KIF26B: variants seen among roughly 807,000 people sequenced by gnomAD.
KIF26B encodes the protein kinesin family member 26B.
In KIF26B, 63 loss-of-function variants were observed where a neutral mutation model predicts 151.2. The ratio of observed to expected loss-of-function variants is 0.42; its 90% CI spans 0.34 to 0.51. The LOEUF is 0.51. KIF26B is among the 20% of genes least tolerant of loss of function. The pLI, the probability that KIF26B is intolerant of heterozygous loss-of-function variation, is 0.07. For synonymous variants in KIF26B, 1,357 were observed against 1,262.1 expected (o/e 1.08, Z -1.59); for missense variants, 2,813 against 2,913.6 (o/e 0.97, Z 0.79).
At chr1:245,625,408 G>A (rs1181172702) in intron 9 of KIF26B, among the ~76,000 whole-genome samples, 3 of 152,150 alleles carry the variant, frequency 2.0e-5, no homozygotes, top group African/African-American at 7.2e-5. Context: ...TCTGACCCAG[G>A]AGCACAGTAT....
chr1:245,175,208 G>T (rs1451848030), intron 2 of KIF26B, among the ~76,000 whole-genome samples: 1 of 152,290 alleles, frequency 6.6e-6, no homozygotes, highest in Admixed American at 6.5e-5. Context: ...TAGTGACCCA[G>T]AGGTGAAAGG....
rs143750032 is a variant in KIF26B, at chr1:245,576,411, T to C, written c.1351-26166T>C. On this transcript the variant is annotated intron_variant, in intron 5 of 14. Transcript: ENST00000407071. ...GCTATCAGTTGTGTTTGTGGAGGTG[T>C]AGTGAATTTTTCAGGGATGAATACC... is the stretch of plus-strand genomic sequence containing the variant. 2.0e-5 allele frequency among the ~76,000 whole-genome samples: 3 copies of C among 152,200 alleles called. No homozygotes were observed. In the East Asian group the frequency reaches 5.8e-4, roughly 29 times the overall value.
At chr1:245,618,976 T>A (rs183947125) in intron 9 of KIF26B, among the ~76,000 whole-genome samples, 2,199 of 134,488 alleles carry the variant, frequency 0.016, 71 homozygotes, top group Admixed American at 0.048. Context: ...CTGTGTCCAC[T>A]GCATCAGTGT....
At chr1:245,204,666 G>A (rs1177810126) in intron 2 of KIF26B, among the ~76,000 whole-genome samples, 2 of 152,098 alleles carry the variant, frequency 1.3e-5, no homozygotes, top group Non-Finnish European at 2.9e-5. Context: ...GAGCCACCAC[G>A]CCTGGCTGTT....
chr1:245,352,078 C>T lies in KIF26B; in HGVS notation c.466-14756C>T, dbSNP rs1464736810. Among the ~76,000 whole-genome samples, 1 of 152,104 alleles carries T rather than the reference C, an allele frequency of 6.6e-6. No homozygotes were observed. Among genetic ancestry groups the T allele is most frequent in the Non-Finnish European group, 1.5e-5 (1 of 68,026 alleles). On this transcript the variant is annotated intron_variant, in intron 2 of 14. Transcript: ENST00000407071. The surrounding 1 kb of genome is among the most constrained non-coding windows in gnomAD (Gnocchi z 5.0). The stretch of plus-strand genomic sequence containing the variant: ...GGCTGTGTGTGTGAGAGAGATCGTC[C>T]CTCAATCTTTCATTTCTTCTGATTG...
chr1:245,681,514 T>C (rs1360052351), intron 10 of KIF26B, among the ~76,000 whole-genome samples: 1 of 152,050 alleles, frequency 6.6e-6, no homozygotes, highest in Non-Finnish European at 1.5e-5. Flanking sequence ...CGGCCGGTCT[T>C]TGGTATGTTT....
At chr1:245,600,760 C>T (rs1316579892) in intron 5 of KIF26B, among the ~76,000 whole-genome samples, 2 of 152,124 alleles carry the variant, frequency 1.3e-5, no homozygotes, top group Non-Finnish European at 2.9e-5. Flanking sequence ...CAAGACAAGC[C>T]TGGGCCATGT....
At position 245,601,507 on chromosome 1, in the gene KIF26B, C is replaced by A. The variant is rs116698031; in HGVS notation, c.1351-1070C>A. Among the ~76,000 whole-genome samples the A allele has an allele frequency of 3.3e-3, 506 of 152,294 alleles. 6 individuals are homozygous for A. Among genetic ancestry groups the A allele is most frequent in the African/African-American group, 0.012 (492 of 41,562 alleles). On this transcript the variant is annotated intron_variant, in intron 5 of 14. Transcript: ENST00000407071. This position sits in a 1 kb window ranked among gnomAD's most constrained non-coding sequence, Gnocchi z 4.4. Reference sequence around the variant, plus strand: ...CTGACAACTGATGAGACAAAGAGAACAAGACACAGAGAGGAATTTAGAAAT... The same window carrying A: ...CTGACAACTGATGAGACAAAGAGAAAAAGACACAGAGAGGAATTTAGAAAT...
At chr1:245,206,590 C>T (rs1439499166) in intron 2 of KIF26B, 1 of 152,208 alleles carries the variant, frequency 6.6e-6, no homozygotes, top group Non-Finnish European at 1.5e-5. Context: ...GTCATGGCTG[C>T]TTTGAGGAAT....
chr1:245,435,866 G>A (rs1201414067), intron 4 of KIF26B, among the ~76,000 whole-genome samples: 2 of 152,122 alleles, frequency 1.3e-5, no homozygotes. Flanking sequence ...GAGCGCTTTA[G>A]CATCAAGAAT....
chr1:245,369,168 T>TGAGA lies in KIF26B; in HGVS notation c.999+1828_999+1831dup, dbSNP rs112848389. Among the ~76,000 whole-genome samples, 1,089 of 135,820 alleles carry TGAGA rather than the reference T, an allele frequency of 8.0e-3. 12 individuals carry two copies. The highest frequency in any genetic ancestry group is 0.021 in the African/African-American group (801 of 38,732). 89.1% of individuals were successfully genotyped at this position (135,820 alleles called of 152,430 possible). A position where few individuals can be genotyped will look rare whatever the true frequency, so the allele number is the denominator to read the frequency against. On this transcript the variant is annotated intron_variant, in intron 3 of 14. Transcript: ENST00000407071. ...ACTCTGAATTGGGAAAAAAGAAGAG[T>TGAGA]GAGAGAGAGAGAGAGAGAGAGAGAG... is the stretch of plus-strand genomic sequence containing the variant.
At chr1:245,578,839 G>C (rs2043148980) in intron 5 of KIF26B, among the ~76,000 whole-genome samples, 2 of 152,228 alleles carry the variant, frequency 1.3e-5, no homozygotes, top group Non-Finnish European at 2.9e-5. Flanking sequence ...ATGCAAAGCA[G>C]CAACTTCATT....
intron 2 of KIF26B, among the ~76,000 whole-genome samples, chr1:245,251,954 G>T (rs1670452610): frequency 6.6e-6 from 1 of 151,992 alleles, no homozygotes; most frequent in South Asian, 2.1e-4. Context: ...TTAGATTAAT[G>T]TAAGGATAAT....
chr1:245,289,473 G>T (rs140631576), intron 2 of KIF26B, among the ~76,000 whole-genome samples: 81 of 152,294 alleles, frequency 5.3e-4, no homozygotes, highest in African/African-American at 1.8e-3. Context: ...GGAACCAGAT[G>T]CACCCACTTT....
intron 2 of KIF26B, among the ~76,000 whole-genome samples, chr1:245,365,515 C>A (rs1458068500): frequency 6.6e-6 from 1 of 150,736 alleles, no homozygotes; most frequent in African/African-American, 2.5e-5. Context: ...CTCACAACTC[C>A]CCCCCACCAG....
At chr1:245,172,845 C>T (rs754481384) in intron 2 of KIF26B, among the ~76,000 whole-genome samples, 7 of 152,054 alleles carry the variant, frequency 4.6e-5, no homozygotes, top group Admixed American at 1.3e-4. Context: ...AAGAGGGTGG[C>T]CCACCACATC....
chr1:245,702,433 C>A lies in KIF26B; in HGVS notation c.6179-25C>A. The A allele has an allele frequency of 6.2e-7, 1 of 1,613,440 alleles. No homozygotes were observed. Among genetic ancestry groups the A allele is most frequent in the Admixed American group, 1.7e-5 (1 of 59,986 alleles). On this transcript the variant is annotated intron_variant, in intron 14 of 14. Transcript: ENST00000407071. This position sits in a 1 kb window ranked among gnomAD's most constrained non-coding sequence, Gnocchi z 4.1. ...TTCTCACCCTGTTTGCTCTGCGTCT[C>A]CATCAGGCTCTTCCTCTCTTGCAGT...
intron 5 of KIF26B, among the ~76,000 whole-genome samples, chr1:245,550,704 G>C (rs1043668550): frequency 6.6e-6 from 1 of 152,178 alleles, no homozygotes; most frequent in Admixed American, 6.5e-5. Flanking sequence ...GTTATGTCCC[G>C]GGGTCTGAAG....
chr1:245,411,825 G>T (rs1239722655), intron 3 of KIF26B, among the ~76,000 whole-genome samples: 1 of 152,068 alleles, frequency 6.6e-6, no homozygotes, highest in South Asian at 2.1e-4. Flanking sequence ...TCTCTTATGA[G>T]CAAAGACTGA....
Sources: gnomAD v4.1 joint callset for allele counts (sites outside exome capture counted in the v4.1 genomes callset) on GRCh38, gnomAD v4.1.1 for gene constraint, Gnocchi (gnomAD v3.1) non-coding constraint, MANE v1.5 for transcripts, NCBI Gene and HGNC (gene_info 2026-07-23, HGNC 2026-07-21) for gene names.